ESRRB: variants seen among roughly 807,000 people sequenced by gnomAD.
ESRRB encodes the protein steroid hormone receptor ERR2.
Under a neutral mutation model 46.0 loss-of-function variants are expected in ESRRB, and 16 were observed. That is an observed-to-expected ratio of 0.35 (90% CI 0.24 to 0.53). ESRRB has a LOEUF of 0.53. ESRRB is among the 20% of genes least tolerant of loss of function. The probability of loss-of-function intolerance (pLI) is 0.93; values close to 1 mark genes in which losing one functional copy is unlikely to be tolerated. For synonymous variants in ESRRB, 246 were observed against 259.6 expected (o/e 0.95, Z 0.50); for missense variants, 488 against 607.4 (o/e 0.80, Z 2.07).
rs113180513 is a variant in ESRRB, at chr14:76,454,389, G to T, written c.461-8156G>T. On this transcript the variant is annotated intron_variant, in intron 2 of 6. Coordinates refer to ENST00000644823, the MANE Select transcript of ESRRB (RefSeq NM_001379180.1). ...CACAGTTCAGAAGGGAGGCCCACAG[G>T]TACACCTGTGATTATGAAACACTAA... is the stretch of plus-strand genomic sequence containing the variant. 4.8e-3 allele frequency among the ~76,000 whole-genome samples: 735 copies of T among 152,290 alleles called. 10 individuals are homozygous for T. Among genetic ancestry groups the T allele is most frequent in the African/African-American group, 0.017 (714 of 41,562 alleles).
intron 5 of ESRRB, among the ~76,000 whole-genome samples, chr14:76,488,566 T>C (rs1425591171): frequency 6.6e-6 from 1 of 152,206 alleles, no homozygotes; most frequent in African/African-American, 2.4e-5. Flanking sequence ...TCAAAGCCTG[T>C]GGCATTTGTC....
At position 76,498,719 on chromosome 14, in the gene ESRRB, T is replaced by C; in HGVS notation, c.*261T>C. The C allele has an allele frequency of 8.3e-7, 1 of 1,211,138 alleles. No individual in the cohort carries two copies. The allele number at this position is 1,211,138 out of a possible 1,614,324, so 75.0% of individuals were successfully genotyped here. ...TATGTCTTTCCTTCTCCATGGACGG[T>C]GCGGAGGCCTGGGCCAGGGCTGACT... On this transcript the variant is annotated 3_prime_UTR_variant, in exon 7 of 7. Coordinates refer to ENST00000644823, the MANE Select transcript of ESRRB (RefSeq NM_001379180.1).
At chr14:76,465,640 G>A (rs905141243) in intron 3 of ESRRB, among the ~76,000 whole-genome samples, 6 of 152,186 alleles carry the variant, frequency 3.9e-5, no homozygotes, top group Non-Finnish European at 8.8e-5. Flanking sequence ...CCCCTGCCCC[G>A]CTGCAAATAT....
intron 1 of ESRRB, among the ~76,000 whole-genome samples, chr14:76,320,361 CT>C (rs1362156121): frequency 6.6e-6 from 1 of 152,218 alleles, no homozygotes; most frequent in East Asian, 1.9e-4. Flanking sequence ...GCCACTTCAT[CT>C]CTTTTGGCCT....
At chr14:76,320,167 T>G (rs2139725846) in intron 1 of ESRRB, among the ~76,000 whole-genome samples, 1 of 152,342 alleles carries the variant, frequency 6.6e-6, no homozygotes, top group African/African-American at 2.4e-5. Flanking sequence ...TTATTAAACC[T>G]GTGGAATCTA....
intron 1 of ESRRB, among the ~76,000 whole-genome samples, chr14:76,321,322 C>T (rs1175069353): frequency 1.3e-5 from 2 of 152,146 alleles, no homozygotes; most frequent in African/African-American, 4.8e-5. Context: ...CAGGTAATCT[C>T]GGGTCTTTGT....
chr14:76,405,846 G>T (rs1172603859), intron 1 of ESRRB, among the ~76,000 whole-genome samples: 1 of 152,080 alleles, frequency 6.6e-6, no homozygotes, highest in Non-Finnish European at 1.5e-5. Flanking sequence ...TGAGGCTCAG[G>T]AGTTTCAGGT....
intron 1 of ESRRB, among the ~76,000 whole-genome samples, chr14:76,342,318 T>C: frequency 6.6e-6 from 1 of 151,710 alleles, no homozygotes; most frequent in East Asian, 1.9e-4. Flanking sequence ...TCAGAAGAGG[T>C]GGCATTCTGG....
intron 1 of ESRRB, among the ~76,000 whole-genome samples, chr14:76,415,262 CT>C (rs1486775136): frequency 6.6e-6 from 1 of 152,196 alleles, no homozygotes; most frequent in African/African-American, 2.4e-5. Context: ...GACAAAATAC[CT>C]TGTACAAACT....
chr14:76,336,535 C>T (rs1884128395), intron 1 of ESRRB, among the ~76,000 whole-genome samples: 2 of 152,326 alleles, frequency 1.3e-5, no homozygotes, highest in South Asian at 4.1e-4. Context: ...CTTTCAGACC[C>T]CCTGGTCCCT....
intron 1 of ESRRB, among the ~76,000 whole-genome samples, chr14:76,316,380 T>A (rs1173061522): frequency 6.6e-6 from 1 of 152,162 alleles, no homozygotes; most frequent in African/African-American, 2.4e-5. Flanking sequence ...ACTTACAAAG[T>A]GTCCCATATC....
At chr14:76,398,732 C>T (rs1348695993) in intron 1 of ESRRB, among the ~76,000 whole-genome samples, 2 of 152,148 alleles carry the variant, frequency 1.3e-5, no homozygotes, top group Non-Finnish European at 2.9e-5. Context: ...CTGATAGAAT[C>T]CTTGTGACAA....
intron 1 of ESRRB, among the ~76,000 whole-genome samples, chr14:76,337,209 A>T (rs2139746880): frequency 6.6e-6 from 1 of 152,308 alleles, no homozygotes; most frequent in East Asian, 1.9e-4. Context: ...TAAAGGTGCC[A>T]GTGAGAGACA....
At chr14:76,437,512 G>A (rs773131336) in intron 1 of ESRRB, among the ~76,000 whole-genome samples, 4 of 152,192 alleles carry the variant, frequency 2.6e-5, no homozygotes, top group African/African-American at 7.2e-5. Flanking sequence ...CCCAAGAGTC[G>A]TCTTTCCATT....
At chr14:76,393,691 A>T (rs940788021) in intron 1 of ESRRB, among the ~76,000 whole-genome samples, 11 of 152,198 alleles carry the variant, frequency 7.2e-5, no homozygotes, top group African/African-American at 2.4e-4. Flanking sequence ...TGTCCAGCAG[A>T]TGCCTGCAAG....
intron 2 of ESRRB, among the ~76,000 whole-genome samples, chr14:76,459,347 A>G (rs1010870889): frequency 1.8e-4 from 28 of 152,162 alleles, no homozygotes; most frequent in Non-Finnish European, 1.9e-4. Flanking sequence ...AGGCAGACAG[A>G]TACAACACAG....
chr14:76,388,233 C>T (rs993607438), intron 1 of ESRRB, among the ~76,000 whole-genome samples: 3 of 141,002 alleles, frequency 2.1e-5, no homozygotes, highest in Admixed American at 1.5e-4. Flanking sequence ...GGCTGGAGTG[C>T]AGTGGCGCAA....
chr14:76,428,910 T>A (rs1416738339), intron 1 of ESRRB, among the ~76,000 whole-genome samples: 4 of 152,286 alleles, frequency 2.6e-5, no homozygotes, highest in Admixed American at 6.5e-5. Context: ...ACAAGATGCT[T>A]AATTACAGAT....
rs1177792203 is a variant in ESRRB at position 76,462,574 on chromosome 14, A to G, written c.490A>G (p.Asn164Asp). 1.2e-6 allele frequency: 2 copies of G among 1,614,068 alleles called. No individual in the cohort carries two copies. The highest frequency in any genetic ancestry group is 1.1e-5 in the South Asian group (1 of 91,080). Residue 164 changes from asparagine (N) to aspartate (D), a missense_variant, in exon 3 of 7, where the codon AAC (asparagine) becomes GAC (aspartate). Physicochemically the swap from Asn to Asp is conservative, Grantham distance 23. Transcript: ENST00000644823. The part of the protein sequence containing the change: ...GNIEYSCPAT[N>D]ECEITKRRRK... ...CATTGAGTACAGCTGCCCGGCCACC[A>G]ACGAGTGCGAGATCACCAAACGGAG...
Sources: allele counts gnomAD v4.1 joint callset (sites outside exome capture counted in the v4.1 genomes callset), GRCh38; gene constraint gnomAD v4.1.1; transcripts MANE v1.5; gene names NCBI Gene and HGNC (gene_info 2026-07-23, HGNC 2026-07-21).